Variants in FBXO5 observed in about 807,000 individuals in gnomAD.
FBXO5 encodes F-box only protein 5.
In FBXO5, 8 loss-of-function variants were observed where a neutral mutation model predicts 43.3. That is an observed-to-expected ratio of 0.18 (90% confidence interval 0.11 to 0.33). The LOEUF (loss-of-function observed/expected upper bound fraction) is 0.33. FBXO5 is among the 10% of genes least tolerant of loss of function. The probability of loss-of-function intolerance (pLI) is 1.00; values close to 1 mark genes in which losing one functional copy is unlikely to be tolerated. For missense variants in FBXO5, 491 were observed against 535.7 expected (o/e 0.92, Z 0.82); for synonymous variants, 204 against 193.7 (o/e 1.05, Z -0.44).
chr6:152,976,182 TC>T (rs1300771178), intron 1 of FBXO5, among the ~76,000 whole-genome samples: 4 of 152,206 alleles, frequency 2.6e-5, no homozygotes, highest in African/African-American at 9.6e-5. Flanking sequence ...GTGGGAATAA[TC>T]TTGATAAAAA....
At chr6:152,979,620 C>T (rs1409265303) in intron 1 of FBXO5, among the ~76,000 whole-genome samples, 1 of 152,152 alleles carries the variant, frequency 6.6e-6, no homozygotes, top group Admixed American at 6.5e-5. Context: ...TTCTTTACAG[C>T]AGATTTGTCC....
intron 1 of FBXO5, among the ~76,000 whole-genome samples, chr6:152,977,686 G>C (rs1193297447): frequency 2.0e-5 from 3 of 152,086 alleles, no homozygotes; most frequent in Non-Finnish European, 2.9e-5. Context: ...TAAAGAATTA[G>C]GTTTGATTTA....
chr6:152,979,576 A>T (rs1364441773), intron 1 of FBXO5, among the ~76,000 whole-genome samples: 4 of 152,210 alleles, frequency 2.6e-5, no homozygotes, highest in African/African-American at 9.6e-5. Flanking sequence ...CACTTAAAGG[A>T]GTGGGGAGTA....
chr6:152,981,093 A>C (rs1280848407), intron 1 of FBXO5, among the ~76,000 whole-genome samples: 1 of 152,252 alleles, frequency 6.6e-6, no homozygotes, highest in Admixed American at 6.5e-5. Flanking sequence ...TATAGATTTA[A>C]GAATCAGATC....
At position 152,975,313 on chromosome 6, in the gene FBXO5, T is replaced by C. The variant is rs138083798; in HGVS notation, c.412A>G (p.Thr138Ala). 6.3e-5 allele frequency: 102 copies of C among 1,614,052 alleles called. No homozygotes were observed. The highest frequency in any genetic ancestry group is 8.6e-5 in the Non-Finnish European group (102 of 1,180,032). ...CCACTGTCTTCATAAAGTCTACTGG[T>C]CTCTAGTGCTTCTATTTCATTTGTA... ...NSTNEIEALE[T>A]SRLYEDSGYS... The change falls in exon 2 of 5, where the codon ACC becomes GCC. Residue 138 changes from threonine to alanine, a missense_variant. Transcript: ENST00000229758.
chr6:152,975,691 A>C, intron 1 of FBXO5, 70 bp from the exon 2 acceptor site: 1 of 948,368 alleles, frequency 1.1e-6, no homozygotes, highest in Non-Finnish European at 1.6e-6. Context: ...TTAAATTGGG[A>C]TATACAAAGA....
chr6:152,970,620 T>A lies in FBXO5; in HGVS notation c.*543A>T, dbSNP rs1049444932. 1 of 152,264 alleles carries A rather than the reference T, an allele frequency of 6.6e-6. No individual in the cohort carries two copies. The highest frequency in any genetic ancestry group is 1.5e-5 in the Non-Finnish European group (1 of 68,094). 9.4% of individuals were successfully genotyped at this position (152,264 alleles called of 1,614,324 possible). The stretch of plus-strand genomic sequence containing the variant: ...AAAAATACAGAAATATTTACATGTA[T>A]ACAAAAATATTAAAACAGATTTCAG... On this transcript the variant is annotated 3_prime_UTR_variant, in exon 5 of 5. Coordinates refer to ENST00000229758, the MANE Select transcript of FBXO5 (RefSeq NM_012177.5).
At chr6:152,971,540 A>G (rs955272114) in intron 4 of FBXO5, 126 bp from the exon 5 acceptor site, 2 of 900,072 alleles carry the variant, frequency 2.2e-6, no homozygotes, top group Non-Finnish European at 3.3e-6. Context: ...CACACATACG[A>G]TAACTACTGC....
chr6:152,971,255 C>G lies in FBXO5; in HGVS notation c.1252G>C (p.Asp418His). ...KCLCNYHTTK[D>H]CSDGKLLKAS... ...TTGAGGAGCTTGCCATCTGAACAGT[C>G]TTTAGTAGTATGATAATTACAGAGA... Residue 418 changes from aspartate to histidine, a missense_variant, in exon 5 of 5, where the codon GAC becomes CAC. Coordinates refer to ENST00000229758, the MANE Select transcript of FBXO5 (RefSeq NM_012177.5). 6.2e-7 allele frequency: 1 copy of G among 1,614,016 alleles called. No homozygotes were observed. The highest frequency in any genetic ancestry group is 8.5e-7 in the Non-Finnish European group (1 of 1,179,942).
intron 1 of FBXO5, 100 bp from the exon 2 acceptor site, chr6:152,975,721 C>T (rs192048539): frequency 1.5e-5 from 11 of 714,054 alleles, no homozygotes; most frequent in Non-Finnish European, 2.5e-5. Flanking sequence ...AATCTCTCAG[C>T]ATTAGGTATT....
rs867632323 is a variant in FBXO5 at position 152,972,405 on chromosome 6, A to G, written c.959T>C (p.Met320Thr). ...SPHASTREYV[M>T]FRTPLASVQK... ...AACAGAAGCCAGTGGGGTTCTGAAC[A>G]TAACATATTCTCTGGTTGAAGCATG... Residue 320 changes from methionine (M) to threonine (T), a missense_variant, in exon 4 of 5, where the codon ATG becomes ACG. Physicochemically the swap from Met to Thr is moderately conservative, Grantham distance 81 (BLOSUM62 -1). Coordinates refer to ENST00000229758, the MANE Select transcript of FBXO5 (RefSeq NM_012177.5). 3.7e-6 allele frequency: 6 copies of G among 1,610,958 alleles called. No individual in the cohort carries two copies. The highest frequency in any genetic ancestry group is 2.2e-5 in the East Asian group (1 of 44,770).
chr6:152,974,193 T>G, intron 2 of FBXO5, among the ~76,000 whole-genome samples: 1 of 150,520 alleles, frequency 6.6e-6, no homozygotes, highest in African/African-American at 2.5e-5. Context: ...GTGACTGGAG[T>G]GAAACCCTGT....
At chr6:152,976,387 A>C (rs541413293) in intron 1 of FBXO5, among the ~76,000 whole-genome samples, 44 of 152,286 alleles carry the variant, frequency 2.9e-4, no homozygotes, top group African/African-American at 1.1e-3. Flanking sequence ...GTGACCTTCT[A>C]ATATATTCAA....
chr6:152,971,505 C>G, intron 4 of FBXO5, 91 bp from the exon 5 acceptor site: 2 of 1,290,338 alleles, frequency 1.5e-6, no homozygotes, highest in Non-Finnish European at 2.1e-6. Context: ...GCACCTTCCC[C>G]AATTCATGTA....
At chr6:152,982,808 C>T (rs1339071684) in intron 1 of FBXO5, 49 bp downstream of exon 1, 3 of 1,309,410 alleles carry the variant, frequency 2.3e-6, no homozygotes, top group South Asian at 1.5e-5. Context: ...CCTCCCCGTG[C>T]ACCCCTCCTG....
intron 1 of FBXO5, among the ~76,000 whole-genome samples, chr6:152,980,946 T>A (rs1778249897): frequency 6.6e-6 from 1 of 152,192 alleles, no homozygotes; most frequent in Non-Finnish European, 1.5e-5. Flanking sequence ...GTCTAGTCAA[T>A]ACAATCTATT....
chr6:152,973,363 G>T, intron 2 of FBXO5: 1 of 491,502 alleles, frequency 2.0e-6, no homozygotes, highest in Non-Finnish European at 3.7e-6. Context: ...AGTGCATTGA[G>T]GCTTAAGAAC....
chr6:152,974,775 T>A (rs776742287), intron 2 of FBXO5, 132 bp downstream of exon 2: 5 of 700,786 alleles, frequency 7.1e-6, no homozygotes, highest in African/African-American at 1.8e-5. Context: ...TCTGAAATCC[T>A]TCTGGTACTA....
At position 152,971,265 on chromosome 6, in the gene FBXO5, A is replaced by C; in HGVS notation, c.1242T>G (p.His414Gln). 1 of 1,614,066 alleles carries C rather than the reference A, an allele frequency of 6.2e-7. No individual in the cohort carries two copies. The highest frequency in any genetic ancestry group is 8.5e-7 in the Non-Finnish European group (1 of 1,179,952). Residue 414 changes from histidine to glutamine, a missense_variant, in exon 5 of 5, where the codon CAT becomes CAG. His to Gln is a conservative substitution (Grantham distance 24). Coordinates refer to ENST00000229758, the MANE Select transcript of FBXO5 (RefSeq NM_012177.5). ...DYCTKCLCNYHTTKDCSDGKL... is the reference protein window; with the variant it reads ...DYCTKCLCNYQTTKDCSDGKL... ...TGCCATCTGAACAGTCTTTAGTAGT[A>C]TGATAATTACAGAGACACTTCGTAC...
Sources: gnomAD v4.1 joint callset for allele counts (sites outside exome capture counted in the v4.1 genomes callset) on GRCh38, gnomAD v4.1.1 for gene constraint, MANE v1.5 for transcripts, NCBI Gene and HGNC (gene_info 2026-07-23, HGNC 2026-07-21) for gene names.